SNX10: variants seen among roughly 807,000 people sequenced by gnomAD.
The protein encoded by SNX10 is sorting nexin-10.
SNX10 carries 25 observed loss-of-function variants against 28.5 expected under a neutral mutation model. That is an observed-to-expected ratio of 0.88 (90% CI 0.64 to 1.22). SNX10 has a LOEUF of 1.22. SNX10 is among the 50% of genes most tolerant of loss of function. SNX10 has a pLI of 0.00. For synonymous variants in SNX10, 62 were observed against 81.4 expected (o/e 0.76, Z 1.28); for missense variants, 223 against 242.6 (o/e 0.92, Z 0.54).
intron 1 of SNX10, among the ~76,000 whole-genome samples, chr7:26,323,258 A>G (rs1787373513): frequency 6.6e-6 from 1 of 152,134 alleles, no homozygotes; most frequent in Non-Finnish European, 1.5e-5. Flanking sequence ...TCAAAACCAA[A>G]CAAAACAAAA....
intron 3 of SNX10, among the ~76,000 whole-genome samples, chr7:26,362,378 C>T (rs1789109939): frequency 6.6e-6 from 1 of 152,140 alleles, no homozygotes; most frequent in African/African-American, 2.4e-5. Flanking sequence ...TTTAATTATT[C>T]CCAGGAATTA....
intron 1 of SNX10, among the ~76,000 whole-genome samples, chr7:26,324,181 G>A (rs1456408991): frequency 6.6e-6 from 1 of 151,972 alleles, no homozygotes; most frequent in East Asian, 1.9e-4. Context: ...CAGAAACATA[G>A]ATATTTTTGT....
At chr7:26,355,437 C>T (rs964957334) in intron 2 of SNX10, among the ~76,000 whole-genome samples, 11 of 152,166 alleles carry the variant, frequency 7.2e-5, no homozygotes, top group African/African-American at 1.7e-4. Context: ...TACTATGTTG[C>T]GTCTTCCAAT....
intron 1 of SNX10, among the ~76,000 whole-genome samples, chr7:26,325,390 T>C (rs1193076935): frequency 6.9e-6 from 1 of 144,060 alleles, no homozygotes; most frequent in Non-Finnish European, 1.5e-5. Context: ...CTTGGATCAC[T>C]GCAACCTCAG....
intron 1 of SNX10, among the ~76,000 whole-genome samples, chr7:26,295,669 C>T (rs77182785): frequency 0.012 from 1,833 of 152,260 alleles, 44 homozygotes; most frequent in African/African-American, 0.041. Context: ...CAATCAATTA[C>T]GAATTGCCAG....
intron 1 of SNX10, among the ~76,000 whole-genome samples, chr7:26,302,054 C>T (rs986775432): frequency 6.6e-6 from 1 of 152,126 alleles, no homozygotes; most frequent in African/African-American, 2.4e-5. Flanking sequence ...TTCCCTTATA[C>T]CATAGACAAC....
At chr7:26,331,008 G>T (rs1584127055) in intron 1 of SNX10, among the ~76,000 whole-genome samples, 2 of 151,998 alleles carry the variant, frequency 1.3e-5, no homozygotes, top group East Asian at 3.9e-4. Flanking sequence ...AGAATTATCT[G>T]GTCATGGTGG....
intron 1 of SNX10, among the ~76,000 whole-genome samples, chr7:26,329,433 G>A (rs970462762): frequency 1.3e-5 from 2 of 152,140 alleles, no homozygotes; most frequent in African/African-American, 4.8e-5. Flanking sequence ...TCCTCACCGA[G>A]TCCTGGTAGT....
chr7:26,336,408 A>T (rs574423558), intron 1 of SNX10, among the ~76,000 whole-genome samples: 48 of 152,266 alleles, frequency 3.2e-4, no homozygotes, highest in Non-Finnish European at 5.9e-4. Context: ...AAATCACTTA[A>T]TAATACTGTT....
At chr7:26,346,325 GC>G in intron 1 of SNX10, 94 bp from the exon 2 acceptor site, 1 of 791,410 alleles carries the variant, frequency 1.3e-6, no homozygotes, top group Non-Finnish European at 2.3e-6. Context: ...GGCGGGGGGG[GC>G]TCTGTCAGGG....
At chr7:26,338,357 A>C (rs1454053008) in intron 1 of SNX10, among the ~76,000 whole-genome samples, 1 of 152,014 alleles carries the variant, frequency 6.6e-6, no homozygotes, top group Non-Finnish European at 1.5e-5. Context: ...AGACAGAGCC[A>C]ATTTATAAAG....
At chr7:26,331,167 TAAA>T (rs60045434) in intron 1 of SNX10, among the ~76,000 whole-genome samples, 1 of 117,334 alleles carries the variant, frequency 8.5e-6, no homozygotes. Context: ...AAAAGAGAAC[TAAA>T]AAAAAAAAAA....
At position 26,365,157 on chromosome 7, in the gene SNX10, G is replaced by A; in HGVS notation, c.311+12G>A. ...GATTTCCTCAGAAAGTGAGTGTCCA[G>A]AAACTTTTGTGGCCAGACAAGGGGT... On this transcript the variant is annotated intron_variant, in intron 5 of 6. Coordinates refer to ENST00000338523, the MANE Select transcript of SNX10 (RefSeq NM_013322.3). 6.4e-7 allele frequency: 1 copy of A among 1,553,292 alleles called. No homozygotes were observed. Among genetic ancestry groups the A allele is most frequent in the Non-Finnish European group, 8.9e-7 (1 of 1,124,706 alleles).
At chr7:26,360,479 C>T (rs1016562522) in intron 2 of SNX10, 1 of 158,086 alleles carries the variant, frequency 6.3e-6, no homozygotes, top group African/African-American at 2.4e-5. Context: ...GTCTCAAACT[C>T]CTGGGCTCAA....
chr7:26,308,827 C>T (rs984710684), intron 1 of SNX10, among the ~76,000 whole-genome samples: 1 of 152,082 alleles, frequency 6.6e-6, no homozygotes, highest in African/African-American at 2.4e-5. Context: ...GTCTGAGCCT[C>T]AACCTCTGGG....
chr7:26,358,803 G>GTGTTTTTTTTTTTTT (rs1554360927), intron 2 of SNX10, among the ~76,000 whole-genome samples: 3 of 82,956 alleles, frequency 3.6e-5, no homozygotes, highest in African/African-American at 1.7e-4. Flanking sequence ...GTGTTATCTT[G>GTGTTTTTTTTTTTTT]TGTTTTTTTT....
intron 2 of SNX10, among the ~76,000 whole-genome samples, chr7:26,349,799 G>A (rs1324505341): frequency 2.0e-5 from 3 of 152,192 alleles, no homozygotes. Flanking sequence ...ATATTCGAAT[G>A]TCCAGAGTGA....
At chr7:26,303,114 G>C (rs555338963) in intron 1 of SNX10, among the ~76,000 whole-genome samples, 1 of 152,306 alleles carries the variant, frequency 6.6e-6, no homozygotes, top group African/African-American at 2.4e-5. Flanking sequence ...CTTCAACTCT[G>C]TTGGTGGCAG....
intron 1 of SNX10, among the ~76,000 whole-genome samples, chr7:26,338,673 G>T (rs1162720748): frequency 6.6e-6 from 1 of 152,158 alleles, no homozygotes; most frequent in African/African-American, 2.4e-5. Context: ...CAAAGTGCTG[G>T]GATTACAGGT....
Sources: gnomAD v4.1 joint callset for allele counts (sites outside exome capture counted in the v4.1 genomes callset) on GRCh38, gnomAD v4.1.1 for gene constraint, MANE v1.5 for transcripts, NCBI Gene and HGNC (gene_info 2026-07-23, HGNC 2026-07-21) for gene names.